PTPRM: variants seen among roughly 807,000 people sequenced by gnomAD.
The protein encoded by PTPRM is protein tyrosine phosphatase receptor type M.
Under a neutral mutation model 186.7 loss-of-function variants are expected in PTPRM, and 47 were observed. That is an observed-to-expected ratio of 0.25 (90% CI 0.20 to 0.32). The LOEUF is 0.32. Among genes scored for constraint, PTPRM ranks in the 10% least tolerant of loss-of-function variants. The probability of loss-of-function intolerance (pLI) is 1.00; values close to 1 mark genes in which losing one functional copy is unlikely to be tolerated. For synonymous variants in PTPRM, 668 were observed against 674.9 expected, an observed-to-expected ratio of 0.99 and a Z score of 0.16; for missense variants, 1,494 against 1,865.0, an observed-to-expected ratio of 0.80 and a Z score of 3.66.
intron 14 of PTPRM, among the ~76,000 whole-genome samples, chr18:8,166,374 A>T (rs557318451): frequency 6.6e-6 from 1 of 152,246 alleles, no homozygotes; most frequent in South Asian, 2.1e-4. Flanking sequence ...CAGAGCATAG[A>T]ATTTTGCCTC....
At chr18:7,608,530 A>G (rs549887033) in intron 1 of PTPRM, among the ~76,000 whole-genome samples, 7 of 152,280 alleles carry the variant, frequency 4.6e-5, no homozygotes, top group African/African-American at 1.2e-4. Context: ...TGAGGTCTCT[A>G]AAATGAGAAT....
chr18:7,569,239 G>A (rs2036513131), intron 1 of PTPRM, among the ~76,000 whole-genome samples: 1 of 152,308 alleles, frequency 6.6e-6, no homozygotes, highest in African/African-American at 2.4e-5. Context: ...AGGCACATTA[G>A]TTGTGTCTTG....
At chr18:7,741,174 T>C (rs539766104) in intron 1 of PTPRM, 1 of 152,332 alleles carries the variant, frequency 6.6e-6, no homozygotes, top group Admixed American at 6.5e-5. Context: ...TAACTCTTTA[T>C]TCTGAGTTCA....
intron 13 of PTPRM, among the ~76,000 whole-genome samples, chr18:8,138,006 A>G (rs1009271710): frequency 2.0e-5 from 3 of 152,168 alleles, no homozygotes; most frequent in Admixed American, 2.0e-4. Flanking sequence ...AACGTACTAA[A>G]TAAGGGGCTG....
chr18:8,240,510 G>GA (rs1334086726), intron 14 of PTPRM, among the ~76,000 whole-genome samples: 3 of 69,842 alleles, frequency 4.3e-5, no homozygotes, highest in African/African-American at 1.5e-4. Flanking sequence ...AGGAAGGAAG[G>GA]AAGGAAGGAA....
At chr18:7,689,834 G>A (rs1342906265) in intron 1 of PTPRM, among the ~76,000 whole-genome samples, 3 of 151,866 alleles carry the variant, frequency 2.0e-5, no homozygotes, top group Non-Finnish European at 4.4e-5. Flanking sequence ...AATTCATATT[G>A]GTGGTTTACA....
intron 2 of PTPRM, chr18:7,815,139 T>C (rs2044741540): frequency 6.6e-6 from 1 of 152,266 alleles, no homozygotes; most frequent in Non-Finnish European, 1.5e-5. Context: ...CCCAACATGA[T>C]TGCCTAGCCC....
At chr18:7,884,953 G>GAAAAAAAAAAAAAAAA (rs2048708561) in intron 2 of PTPRM, among the ~76,000 whole-genome samples, 12 of 110,470 alleles carry the variant, frequency 1.1e-4, no homozygotes, top group Middle Eastern at 6.1e-3. Context: ...AAAAAAAAAG[G>GAAAAAAAAAAAAAAAA]AGAGAGAGAA....
At chr18:8,113,375 G>A in intron 11 of PTPRM, 111 bp from the exon 12 acceptor site, 2 of 947,186 alleles carry the variant, frequency 2.1e-6, no homozygotes, top group Non-Finnish European at 3.2e-6. Context: ...AGTATGGACT[G>A]CGTCCAGTGT....
At chr18:7,926,074 G>A (rs1476080928) in intron 4 of PTPRM, among the ~76,000 whole-genome samples, 1 of 152,206 alleles carries the variant, frequency 6.6e-6, no homozygotes, top group Non-Finnish European at 1.5e-5. Flanking sequence ...TATTACATAA[G>A]TAATGCTGCA....
rs549300851 is a variant in PTPRM, at chr18:7,963,146, G to A, written c.1132+7732G>A. Among the ~76,000 whole-genome samples, 9 of 152,356 alleles carry A rather than the reference G, an allele frequency of 5.9e-5. No homozygotes were observed. In the South Asian group the frequency reaches 1.5e-3, roughly 25 times the overall value. ...TGAGGAGTACCTTCCCTATTATGCT[G>A]CAGATGTCAGATACTTTGGGTCACG... On this transcript the variant is annotated intron_variant, in intron 7 of 32. Transcript: ENST00000580170.
intron 1 of PTPRM, among the ~76,000 whole-genome samples, chr18:7,760,853 A>G (rs2041737534): frequency 6.6e-6 from 1 of 151,934 alleles, no homozygotes; most frequent in South Asian, 2.1e-4. Context: ...TGGCAAATCT[A>G]CATTCTTTCC....
At chr18:7,937,403 A>T (rs949185636) in intron 5 of PTPRM, among the ~76,000 whole-genome samples, 1 of 152,108 alleles carries the variant, frequency 6.6e-6, no homozygotes, top group African/African-American at 2.4e-5. Flanking sequence ...CCATGCCGGC[A>T]CCTGGAGCTG....
At chr18:8,088,672 T>C (rs1475909551) in intron 10 of PTPRM, 77 bp from the exon 11 acceptor site, 8 of 1,222,368 alleles carry the variant, frequency 6.5e-6, no homozygotes, top group African/African-American at 1.5e-5. Flanking sequence ...TAATGCTCTT[T>C]GTAAAAGAAA....
chr18:8,373,887 A>AAAG (rs1245870600), intron 24 of PTPRM, among the ~76,000 whole-genome samples: 1 of 138,186 alleles, frequency 7.2e-6, no homozygotes, highest in Non-Finnish European at 1.5e-5. Context: ...CCTGTCTCGG[A>AAAG]AAAAAAAAAA....
At chr18:7,604,156 G>C (rs573396972) in intron 1 of PTPRM, among the ~76,000 whole-genome samples, 1 of 151,968 alleles carries the variant, frequency 6.6e-6, no homozygotes, top group Admixed American at 6.6e-5. Context: ...CTCTTCCTTC[G>C]GAAGACTGAA....
chr18:8,325,568 CATGGGCATTTTGGT>C (rs2095370739), intron 22 of PTPRM, among the ~76,000 whole-genome samples: 2 of 152,138 alleles, frequency 1.3e-5, no homozygotes, highest in Non-Finnish European at 2.9e-5. Context: ...GTCTACTGTT[CATGGGCATTTTGGT>C]TGATTCCATG....
At chr18:7,752,342 C>T (rs1006450094) in intron 1 of PTPRM, among the ~76,000 whole-genome samples, 1 of 151,932 alleles carries the variant, frequency 6.6e-6, no homozygotes, top group South Asian at 2.1e-4. Flanking sequence ...TGCTAGGCCT[C>T]GAATATATTC....
intron 13 of PTPRM, among the ~76,000 whole-genome samples, chr18:8,122,526 G>T (rs1036543938): frequency 1.3e-5 from 2 of 152,178 alleles, no homozygotes; most frequent in African/African-American, 4.8e-5. Context: ...CAACTCCACT[G>T]CATGTTTTCA....
Sources: allele counts gnomAD v4.1 joint callset (sites outside exome capture counted in the v4.1 genomes callset), GRCh38; gene constraint gnomAD v4.1.1; transcripts MANE v1.5; gene names NCBI Gene and HGNC (gene_info 2026-07-23, HGNC 2026-07-21).